Variants in ZNF618 observed in about 807,000 individuals in gnomAD.
The protein encoded by ZNF618 is zinc finger protein 618, also known as neural precursor cell expressed, developmentally down-regulated 10.
In ZNF618, 34 loss-of-function variants were observed where a neutral mutation model predicts 103.0. The observed-to-expected ratio is 0.33, with a 90% CI of 0.25 to 0.44. The LOEUF is 0.44. Ranked by LOEUF, ZNF618 falls within the 20% of genes least tolerant of loss-of-function variation. The probability of loss-of-function intolerance (pLI) is 1.00; values close to 1 mark genes in which losing one functional copy is unlikely to be tolerated. For synonymous variants in ZNF618, 551 were observed against 542.2 expected (o/e 1.02, Z -0.23); for missense variants, 1,059 against 1,295.4 (o/e 0.82, Z 2.80).
intron 1 of ZNF618, among the ~76,000 whole-genome samples, chr9:113,905,773 C>T (rs1830933281): frequency 6.6e-6 from 1 of 152,192 alleles, no homozygotes; most frequent in Non-Finnish European, 1.5e-5. Flanking sequence ...ATTCTCTTCT[C>T]TGATTCCCTC....
At chr9:113,903,860 C>T (rs867920030) in intron 1 of ZNF618, among the ~76,000 whole-genome samples, 2 of 151,816 alleles carry the variant, frequency 1.3e-5, no homozygotes, top group South Asian at 4.2e-4. Flanking sequence ...TTAGGATTTT[C>T]TCCTTATCTC....
At chr9:114,016,208 A>G in intron 9 of ZNF618, 1 of 1,588,702 alleles carries the variant, frequency 6.3e-7, no homozygotes, top group East Asian at 2.2e-5. Flanking sequence ...GAGAGGAAGA[A>G]GTGACCCCTG....
rs1846435264 is a variant in ZNF618, at chr9:114,055,691, A to G, written c.*5524A>G. 1 of 149,730 alleles carries G rather than the reference A, an allele frequency of 6.7e-6. No individual in the cohort carries two copies. The highest frequency in any genetic ancestry group is 6.7e-5 in the Admixed American group (1 of 14,842). The allele number at this position is 149,730 out of a possible 1,614,324, so 9.3% of individuals were successfully genotyped here. ...GACTGTGTCTCTCTCTTTGAGTGCA[A>G]GAAACTCAAGTCATCTTAAAAAAAA... On this transcript the variant is annotated 3_prime_UTR_variant, in exon 15 of 15. Transcript: ENST00000374126.
chr9:113,923,564 C>T (rs949280834), intron 1 of ZNF618, among the ~76,000 whole-genome samples: 1 of 151,970 alleles, frequency 6.6e-6, no homozygotes, highest in Non-Finnish European at 1.5e-5. Flanking sequence ...CTTTTTTAGC[C>T]TGTTGATGTG....
At chr9:114,015,061 A>C (rs932164253) in intron 9 of ZNF618, among the ~76,000 whole-genome samples, 1 of 152,222 alleles carries the variant, frequency 6.6e-6, no homozygotes, top group Non-Finnish European at 1.5e-5. Context: ...GGTTGTATAG[A>C]ATTTAAATAA....
chr9:113,951,516 TATATGTACACATATGTGTGTAC>T lies in ZNF618; in HGVS notation c.34-17580_34-17559del, dbSNP rs1173742824. 8.2e-3 allele frequency among the ~76,000 whole-genome samples: 681 copies of T among 83,270 alleles called. 148 individuals carry two copies. The highest frequency in any genetic ancestry group is 0.012 in the Non-Finnish European group (510 of 41,304). The allele number at this position is 83,270 out of a possible 152,430, so 54.6% of individuals were successfully genotyped here. ...GTGTATGTGTACACATATATGTGTG[TATATGTACACATATGTGTGTAC>T]ATATGTACACATATGTGTGTGTATA... On this transcript the variant is annotated intron_variant, in intron 1 of 14. Transcript: ENST00000374126.
intron 11 of ZNF618, among the ~76,000 whole-genome samples, chr9:114,029,450 C>T (rs1843807220): frequency 6.6e-6 from 1 of 152,122 alleles, no homozygotes; most frequent in Admixed American, 6.5e-5. Flanking sequence ...GTGTGCTCTC[C>T]ACTTTTCCAC....
At chr9:113,906,404 C>T (rs934147649) in intron 1 of ZNF618, among the ~76,000 whole-genome samples, 1 of 152,158 alleles carries the variant, frequency 6.6e-6, no homozygotes, top group Admixed American at 6.5e-5. Context: ...GCATTTCGCT[C>T]TTCCATGCTA....
chr9:113,929,930 T>G lies in ZNF618; in HGVS notation c.34-39187T>G, dbSNP rs543696920. On this transcript the variant is annotated intron_variant, in intron 1 of 14. Transcript: ENST00000374126. ...ATAGCAGTCATCACATGACATTGTA[T>G]GAATAACCAGTAACTCAGAGCTTGT... Among the ~76,000 whole-genome samples, 8 of 152,370 alleles carry G rather than the reference T, an allele frequency of 5.3e-5. No homozygotes were observed. The East Asian group carries it at 1.5e-3, about 29-fold the overall frequency.
At chr9:113,894,846 C>A (rs1453473321) in intron 1 of ZNF618, among the ~76,000 whole-genome samples, 1 of 152,130 alleles carries the variant, frequency 6.6e-6, no homozygotes, top group East Asian at 1.9e-4. Context: ...TTAGTTCCAA[C>A]AGTTTCTTGT....
chr9:113,891,752 C>T (rs1243408558), intron 1 of ZNF618, among the ~76,000 whole-genome samples: 2 of 152,306 alleles, frequency 1.3e-5, no homozygotes, highest in Non-Finnish European at 2.9e-5. Context: ...ATGATGTATT[C>T]AGCCTTCATT....
intron 5 of ZNF618, among the ~76,000 whole-genome samples, chr9:114,002,355 C>G (rs1841308669): frequency 1.3e-5 from 2 of 152,232 alleles, no homozygotes; most frequent in Admixed American, 1.3e-4. Context: ...CAGGACATCT[C>G]ATCACTGCTC....
chr9:114,049,875 T>C lies in ZNF618; in HGVS notation c.2573T>C (p.Val858Ala), dbSNP rs936251887. 1.9e-6 allele frequency: 3 copies of C among 1,613,808 alleles called. No homozygotes were observed. The African/African-American group carries it at 4.0e-5, about 22-fold the overall frequency. Residue 858 changes from valine (V) to alanine (A), a missense_variant, in exon 15 of 15, where the codon GTC becomes GCC. Val to Ala is a moderately conservative substitution (Grantham distance 64). Transcript: ENST00000374126. ...PAAKKPRSAA[V>A]ENPAAQEDDR... is the part of the protein sequence containing the mutation. ...GCCAAGAAGCCCCGCTCTGCTGCCGTCGAGAACCCCGCAGCTCAGGAAGAT... is the reference window on the plus strand; with the variant it reads ...GCCAAGAAGCCCCGCTCTGCTGCCGCCGAGAACCCCGCAGCTCAGGAAGAT...
intron 1 of ZNF618, among the ~76,000 whole-genome samples, chr9:113,919,139 C>G (rs1305889765): frequency 1.3e-5 from 2 of 152,146 alleles, no homozygotes; most frequent in African/African-American, 4.8e-5. Context: ...TCTCGTAGAG[C>G]AGAAAGAGCC....
chr9:113,921,238 G>T (rs1011127963), intron 1 of ZNF618, among the ~76,000 whole-genome samples: 9 of 152,174 alleles, frequency 5.9e-5, no homozygotes, highest in African/African-American at 2.2e-4. Context: ...CGCCTTTCTG[G>T]TCCGTTTCCC....
intron 9 of ZNF618, chr9:114,015,972 CAGAA>C (rs752030372): frequency 1.4e-6 from 1 of 710,816 alleles, no homozygotes; most frequent in Non-Finnish European, 2.4e-6. Flanking sequence ...CCAGATGAGA[CAGAA>C]TGAAGAGTGG....
chr9:113,981,789 T>C (rs1375942599), intron 2 of ZNF618, among the ~76,000 whole-genome samples: 1 of 152,206 alleles, frequency 6.6e-6, no homozygotes, highest in African/African-American at 2.4e-5. Flanking sequence ...CACTAAAAAT[T>C]GTGTGACCTT....
chr9:113,931,401 A>G (rs1833574568), intron 1 of ZNF618, among the ~76,000 whole-genome samples: 1 of 152,214 alleles, frequency 6.6e-6, no homozygotes, highest in Non-Finnish European at 1.5e-5. Flanking sequence ...CATGTGCCCC[A>G]GGCTCAAAGT....
At chr9:114,048,043 G>A (rs769430995) in intron 14 of ZNF618, 49 bp downstream of exon 14, 13 of 1,470,270 alleles carry the variant, frequency 8.8e-6, no homozygotes, top group African/African-American at 1.4e-5. Flanking sequence ...TTATGCTCCA[G>A]TTGTTCCTCT....
Sources: gnomAD v4.1 joint callset for allele counts (sites outside exome capture counted in the v4.1 genomes callset) on GRCh38, gnomAD v4.1.1 for gene constraint, MANE v1.5 for transcripts, NCBI Gene and HGNC (gene_info 2026-07-23, HGNC 2026-07-21) for gene names.